The following MAGI3 variants were observed in gnomAD, a reference collection of about 807,000 sequenced individuals.
MAGI3 encodes membrane-associated guanylate kinase, WW and PDZ domain-containing protein 3.
MAGI3 carries 43 observed loss-of-function variants against 121.8 expected under a neutral mutation model. The observed-to-expected ratio is 0.35, with a 90% CI of 0.28 to 0.46. MAGI3 has a LOEUF of 0.46. Among genes scored for constraint, MAGI3 ranks in the 20% least tolerant of loss-of-function variants. The pLI, the probability that MAGI3 is intolerant of heterozygous loss-of-function variation, is 1.00. For synonymous variants in MAGI3, 553 were observed against 639.3 expected, an observed-to-expected ratio of 0.86 and a Z score of 2.04; for missense variants, 1,547 against 1,797.3, an observed-to-expected ratio of 0.86 and a Z score of 2.52.
In MAGI3 at chr1:113,391,296, T is replaced by G; in HGVS notation, c.263T>G (p.Leu88Arg). ...PVSGLTNRDT[L>R]AVIRHFREPI... ...AGCGGGCTCACCAACCGGGACACCC[T>G]GGCTGTCATCCGCCACTTCCGCGAG... Residue 88 changes from leucine (L) to arginine (R), a missense_variant, in exon 1 of 21, where the codon CTG becomes CGG. Physicochemically the swap from Leu to Arg is moderately radical, Grantham distance 102. Coordinates refer to ENST00000307546, the MANE Select transcript of MAGI3 (RefSeq NM_001142782.2). This position sits in a 1 kb window ranked among gnomAD's most constrained non-coding sequence, Gnocchi z 4.4. 6.3e-7 allele frequency: 1 copy of G among 1,594,936 alleles called. No homozygotes were observed. Among genetic ancestry groups the G allele is most frequent in the Non-Finnish European group, 8.5e-7 (1 of 1,171,986 alleles).
intron 1 of MAGI3, among the ~76,000 whole-genome samples, chr1:113,415,075 A>G (rs1652228122): frequency 6.6e-6 from 1 of 152,118 alleles, no homozygotes; most frequent in Non-Finnish European, 1.5e-5. Context: ...TCTGAGGCAA[A>G]TCTTTGCATT....
chr1:113,477,220 A>G (rs866211882), intron 1 of MAGI3, among the ~76,000 whole-genome samples: 1 of 152,148 alleles, frequency 6.6e-6, no homozygotes, highest in South Asian at 2.1e-4. Flanking sequence ...CATTTAGCCC[A>G]TTTACATTTA....
intron 6 of MAGI3, among the ~76,000 whole-genome samples, chr1:113,613,498 G>C (rs926072648): frequency 6.6e-6 from 1 of 152,076 alleles, no homozygotes; most frequent in Non-Finnish European, 1.5e-5. Flanking sequence ...TATTATAATG[G>C]AATTTTTACT....
chr1:113,458,530 A>C (rs997386004), intron 1 of MAGI3, among the ~76,000 whole-genome samples: 6 of 151,946 alleles, frequency 3.9e-5, no homozygotes, highest in African/African-American at 1.5e-4. Context: ...ATTTTTTTGG[A>C]GACAGTATCT....
At chr1:113,535,073 G>A (rs1300311106) in intron 1 of MAGI3, among the ~76,000 whole-genome samples, 1 of 152,098 alleles carries the variant, frequency 6.6e-6, no homozygotes, top group Non-Finnish European at 1.5e-5. Context: ...TAGCTTAATT[G>A]TTTGGTCTGA....
At chr1:113,417,842 T>G (rs1240044517) in intron 1 of MAGI3, among the ~76,000 whole-genome samples, 1 of 152,180 alleles carries the variant, frequency 6.6e-6, no homozygotes, top group Non-Finnish European at 1.5e-5. Context: ...GCATAGTAGG[T>G]AATAGATATT....
chr1:113,518,503 A>G (rs770708597), intron 1 of MAGI3, among the ~76,000 whole-genome samples: 1 of 152,116 alleles, frequency 6.6e-6, no homozygotes, highest in Non-Finnish European at 1.5e-5. Context: ...CAATAAAAGC[A>G]TAATTTTAGT....
chr1:113,588,961 T>C (rs1336509262), intron 4 of MAGI3, among the ~76,000 whole-genome samples: 1 of 152,164 alleles, frequency 6.6e-6, no homozygotes, highest in Non-Finnish European at 1.5e-5. Flanking sequence ...GGATATGATC[T>C]AATAGATAGA....
intron 1 of MAGI3, among the ~76,000 whole-genome samples, chr1:113,516,511 AAAAT>A (rs1191223968): frequency 6.6e-6 from 1 of 152,048 alleles, no homozygotes; most frequent in Non-Finnish European, 1.5e-5. Context: ...TTATGCAAAA[AAAAT>A]AAATAGAATA....
intron 2 of MAGI3, among the ~76,000 whole-genome samples, chr1:113,566,389 C>A (rs1660434185): frequency 2.0e-5 from 3 of 151,982 alleles, no homozygotes; most frequent in Admixed American, 2.0e-4. Context: ...CAGTAGAATA[C>A]CAACTGAATA....
chr1:113,566,114 C>G (rs981397685), intron 2 of MAGI3, among the ~76,000 whole-genome samples: 1 of 152,162 alleles, frequency 6.6e-6, no homozygotes, highest in Non-Finnish European at 1.5e-5. Context: ...TAACATAAAT[C>G]AACCGCAGCT....
intron 1 of MAGI3, among the ~76,000 whole-genome samples, chr1:113,471,133 C>T (rs1221008203): frequency 2.0e-5 from 3 of 152,076 alleles, no homozygotes; most frequent in Non-Finnish European, 4.4e-5. Context: ...AATGGACCTA[C>T]CAGATATATA....
rs1648407374 is a variant in MAGI3 at position 113,684,185 on chromosome 1, A to G, written c.*171A>G. ...GGGCCTTTAGGATTGCTAAGAACCA[A>G]CTGTCCCCCTGGCCGGCTGCCCTCC... On this transcript the variant is annotated 3_prime_UTR_variant, in exon 21 of 21. Coordinates refer to ENST00000307546, the MANE Select transcript of MAGI3 (RefSeq NM_001142782.2). 1.4e-6 allele frequency: 1 copy of G among 700,656 alleles called. No homozygotes were observed. The highest frequency in any genetic ancestry group is 1.8e-5 in the African/African-American group (1 of 54,536). The allele number at this position is 700,656 out of a possible 1,614,324, so 43.4% of individuals were successfully genotyped here. A position where few individuals can be genotyped will look rare whatever the true frequency, so the allele number is the denominator to read the frequency against.
chr1:113,675,402 C>G (rs568475166), intron 19 of MAGI3, among the ~76,000 whole-genome samples: 7 of 152,202 alleles, frequency 4.6e-5, no homozygotes, highest in Non-Finnish European at 8.8e-5. Context: ...CTTGCCCCAT[C>G]TGTACTACGA....
rs1008338399 is a variant in MAGI3, at chr1:113,674,859, A to G, written c.3189+1394A>G. ...CACATGCACAAGTTCAAAGGGATGA[A>G]TAGAGAAGATTTCACAGAATAGGTG... On this transcript the variant is annotated intron_variant, in intron 19 of 20. Transcript: ENST00000307546. 4.6e-5 allele frequency among the ~76,000 whole-genome samples: 7 copies of G among 152,244 alleles called. No homozygotes were observed. The East Asian group carries it at 5.8e-4, about 13-fold the overall frequency.
chr1:113,594,277 C>T (rs1648863129), intron 5 of MAGI3, among the ~76,000 whole-genome samples: 1 of 152,168 alleles, frequency 6.6e-6, no homozygotes, highest in Admixed American at 6.5e-5. Context: ...CAAGTTAGTG[C>T]CTCTAGCATT....
chr1:113,628,866 A>G (rs1411785331), intron 9 of MAGI3, among the ~76,000 whole-genome samples: 1 of 151,368 alleles, frequency 6.6e-6, no homozygotes, highest in East Asian at 1.9e-4. Context: ...GACCTTTGGG[A>G]GTTTGATTTT....
At chr1:113,517,267 G>A (rs1657970941) in intron 1 of MAGI3, among the ~76,000 whole-genome samples, 1 of 151,582 alleles carries the variant, frequency 6.6e-6, no homozygotes, top group South Asian at 2.1e-4. Context: ...TAGTATATGG[G>A]AACTCTATAC....
Position 113,659,157 on chromosome 1 carries a change from A to T in MAGI3, c.2707A>T (p.Ile903Phe), listed in dbSNP as rs776451543. 1 of 1,614,032 alleles carries T rather than the reference A, an allele frequency of 6.2e-7. No homozygotes were observed. Among genetic ancestry groups the T allele is most frequent in the Non-Finnish European group, 8.5e-7 (1 of 1,179,996 alleles). Residue 903 changes from isoleucine to phenylalanine, a missense_variant, in exon 16 of 21, where the codon ATC becomes TTC. By Grantham distance (21) the Ile-to-Phe change is conservative. Transcript: ENST00000307546. ...TGGAAAACTGAAAGTTGGAGATCAT[A>T]TCTCTGCAGTGAATGGGCAGTCCAT... Reference protein sequence around the residue: ...RCGKLKVGDHISAVNGQSIVE... With the variant: ...RCGKLKVGDHFSAVNGQSIVE...
Sources: gnomAD v4.1 joint callset for allele counts (sites outside exome capture counted in the v4.1 genomes callset) on GRCh38, gnomAD v4.1.1 for gene constraint, Gnocchi (gnomAD v3.1) non-coding constraint, MANE v1.5 for transcripts, NCBI Gene and HGNC (gene_info 2026-07-23, HGNC 2026-07-21) for gene names.